Variants in PKHD1L1 observed in about 807,000 individuals in gnomAD.
PKHD1L1 encodes fibrocystin-L.
A neutral mutation model predicts 462.9 loss-of-function variants in PKHD1L1; 434 were observed. That is an observed-to-expected ratio of 0.94 (90% CI 0.87 to 1.02). The LOEUF is 1.02. PKHD1L1 is among the 50% of genes least tolerant of loss of function. The pLI, the probability that PKHD1L1 is intolerant of heterozygous loss-of-function variation, is 0.00. For synonymous variants in PKHD1L1, 1,781 were observed against 1,750.0 expected, an observed-to-expected ratio of 1.02 and a Z score of -0.44; for missense variants, 5,202 against 5,096.1, an observed-to-expected ratio of 1.02 and a Z score of -0.63.
Position 109,485,092 on chromosome 8 carries a change from A to C in PKHD1L1, c.9625A>C (p.Thr3209Pro). ...ITTTSYDFHQ[T>P]ETRSIVKILH... is the part of the protein sequence containing the mutation. Reference sequence around the variant, plus strand: ...AACCACAAGCTACGATTTCCACCAGACAGAAACAAGAAGTATCGTTAAAAT... The same window carrying C: ...AACCACAAGCTACGATTTCCACCAGCCAGAAACAAGAAGTATCGTTAAAAT... The change falls in exon 58 of 78, where the codon ACA (threonine) becomes CCA (proline). Residue 3209 changes from threonine to proline, a missense_variant. Coordinates refer to ENST00000378402, the MANE Select transcript of PKHD1L1 (RefSeq NM_177531.6). 1 of 1,605,150 alleles carries C rather than the reference A, an allele frequency of 6.2e-7. No individual in the cohort carries two copies. The highest frequency in any genetic ancestry group is 8.5e-7 in the Non-Finnish European group (1 of 1,175,262).
rs1462416662 is a variant in PKHD1L1 at position 109,429,451 on chromosome 8, C to T, written c.3112C>T (p.Gln1038Ter). Residue 1038 changes from glutamine to a stop codon, truncating the protein, a stop_gained, in exon 26 of 78, where the codon CAA becomes TAA. Transcript: ENST00000378402. LOFTEE classifies it high-confidence loss of function. ...TGGAGACCTACTTCGTACACCCAGT[C>T]AACAGCCACAGGTATTTTTGAAACT... is the stretch of plus-strand genomic sequence containing the variant. ...VLGDLLRTPS[Q>*]QPQVEVYVNG... 1.9e-6 allele frequency: 3 copies of T among 1,607,416 alleles called. No individual in the cohort carries two copies. Among genetic ancestry groups the T allele is most frequent in the Non-Finnish European group, 1.7e-6 (2 of 1,176,578 alleles).
chr8:109,402,007 C>T (rs1471332099), intron 14 of PKHD1L1, among the ~76,000 whole-genome samples: 1 of 152,094 alleles, frequency 6.6e-6, no homozygotes, highest in Non-Finnish European at 1.5e-5. Flanking sequence ...ATTCCAGGCC[C>T]TGGGCCAGGT....
intron 14 of PKHD1L1, among the ~76,000 whole-genome samples, chr8:109,402,099 C>A (rs1813302385): frequency 6.6e-6 from 1 of 152,074 alleles, no homozygotes; most frequent in East Asian, 1.9e-4. Flanking sequence ...GTCCAAGGAG[C>A]CAATGAGTGG....
chr8:109,441,351 C>T lies in PKHD1L1; in HGVS notation c.4176C>T (p.Phe1392=), dbSNP rs1815782787. 6.4e-7 allele frequency: 1 copy of T among 1,573,300 alleles called. No homozygotes were observed. The highest frequency in any genetic ancestry group is 1.4e-5 in the African/African-American group (1 of 73,534). The change falls in exon 34 of 78, where the codon TTC becomes TTT. Residue 1392 remains phenylalanine, a synonymous_variant. Coordinates refer to ENST00000378402, the MANE Select transcript of PKHD1L1 (RefSeq NM_177531.6). ...KCILHSTGNI[F]RITNNGKDSV... ...TTCTTCATTCAACTGGGAATATATT[C>T]AGGATTACCAACAATGGGAAAGATT... is the stretch of plus-strand genomic sequence containing the variant.
At position 109,442,080 on chromosome 8, in the gene PKHD1L1, G is replaced by A; in HGVS notation, c.4278G>A (p.Trp1426Ter). 1 of 1,613,418 alleles carries A rather than the reference G, an allele frequency of 6.2e-7. No homozygotes were observed. Among genetic ancestry groups the A allele is most frequent in the Non-Finnish European group, 8.5e-7 (1 of 1,179,576 alleles). ...TGGGGGACACAGTGGCATGGCATTG[G>A]CAAACACATCCGTTTCTTAGAGGGA... ...VSVGDTVAWHWQTHPFLRGIG... is the reference protein window; with the variant it reads ...VSVGDTVAWH Residue 1426 changes from tryptophan to a stop codon, truncating the protein, a stop_gained, in exon 35 of 78, where the codon TGG (tryptophan) becomes TGA (stop). Transcript: ENST00000378402. LOFTEE classifies it high-confidence loss of function.
chr8:109,363,504 T>G (rs557745259), intron 1 of PKHD1L1, among the ~76,000 whole-genome samples: 1 of 152,358 alleles, frequency 6.6e-6, no homozygotes, highest in African/African-American at 2.4e-5. Context: ...TACATCCATT[T>G]TGAGAAATTA....
At position 109,419,095 on chromosome 8, in the gene PKHD1L1, A is replaced by T; in HGVS notation, c.2361-2A>T. On this transcript the variant is annotated splice_acceptor_variant, in intron 21 of 77. Coordinates refer to ENST00000378402, the MANE Select transcript of PKHD1L1 (RefSeq NM_177531.6). LOFTEE classifies it high-confidence loss of function. Reference sequence around the variant, plus strand: ...ACAACAAATTAATCAACCGTATTTCAGCTGGACTTACACTTGCATAGACCT... The same window carrying T: ...ACAACAAATTAATCAACCGTATTTCTGCTGGACTTACACTTGCATAGACCT... 2 of 1,610,792 alleles carry T rather than the reference A, an allele frequency of 1.2e-6. No homozygotes were observed. Among genetic ancestry groups the T allele is most frequent in the Non-Finnish European group, 1.7e-6 (2 of 1,177,736 alleles).
chr8:109,442,800 CA>C (rs1318834962), intron 35 of PKHD1L1, 145 bp from the exon 36 acceptor site: 1 of 703,104 alleles, frequency 1.4e-6, no homozygotes, highest in Non-Finnish European at 2.2e-6. Context: ...TTTCTTACTA[CA>C]TTCTGTTGAC....
chr8:109,395,226 C>T (rs1812910970), intron 10 of PKHD1L1, among the ~76,000 whole-genome samples: 1 of 152,210 alleles, frequency 6.6e-6, no homozygotes, highest in South Asian at 2.1e-4. Flanking sequence ...TTTATGCTCT[C>T]AGTGTGGTTC....
At position 109,445,650 on chromosome 8, in the gene PKHD1L1, T is replaced by C; in HGVS notation, c.5776+5T>C. On this transcript the variant is annotated splice_donor_5th_base_variant and intron_variant, in intron 38 of 77. Transcript: ENST00000378402. ...GAGGAATTATCCCAAGCAGAGGTAC[T>C]CCAATATCTGCCTTATTATCTTGAT... 6.3e-7 allele frequency: 1 copy of C among 1,589,196 alleles called. No homozygotes were observed. The highest frequency in any genetic ancestry group is 8.6e-7 in the Non-Finnish European group (1 of 1,160,420).
intron 2 of PKHD1L1, among the ~76,000 whole-genome samples, chr8:109,379,377 A>G (rs981233813): frequency 6.6e-5 from 10 of 152,352 alleles, no homozygotes; most frequent in African/African-American, 2.4e-4. Flanking sequence ...ATATTGCTTC[A>G]GAACAAGAAA....
At chr8:109,527,666 C>G (rs1472216552) in intron 77 of PKHD1L1, among the ~76,000 whole-genome samples, 1 of 152,132 alleles carries the variant, frequency 6.6e-6, no homozygotes, top group African/African-American at 2.4e-5. Context: ...TCTGGTTTCT[C>G]AAACAGTTGG....
chr8:109,436,389 T>C lies in PKHD1L1; in HGVS notation c.3557T>C (p.Val1186Ala). Reference protein sequence around the residue: ...SGFGFNENSKVLVGNETCNVI... With the variant: ...SGFGFNENSKALVGNETCNVI... ...TTTGGCTTTAATGAAAATTCAAAGG[T>C]ATTAGTTGGAAATGAAACCTGCAAT... Residue 1186 changes from valine to alanine, a missense_variant, in exon 30 of 78, where the codon GTA becomes GCA. By Grantham distance (64) the Val-to-Ala change is moderately conservative. Around this residue, in one of 3 missense-constraint regions of PKHD1L1, gnomAD observed 4,497 missense variants for 4,336.8 expected, o/e 1.04. Coordinates refer to ENST00000378402, the MANE Select transcript of PKHD1L1 (RefSeq NM_177531.6). The C allele has an allele frequency of 1.2e-6, 2 of 1,613,436 alleles. No homozygotes were observed. Among genetic ancestry groups the C allele is most frequent in the Non-Finnish European group, 1.7e-6 (2 of 1,179,712 alleles).
intron 45 of PKHD1L1, among the ~76,000 whole-genome samples, chr8:109,455,410 C>G (rs1190167021): frequency 6.6e-6 from 1 of 152,126 alleles, no homozygotes; most frequent in Non-Finnish European, 1.5e-5. Flanking sequence ...CTTGGGAAAG[C>G]CTTTCTGGGT....
intron 22 of PKHD1L1, 110 bp downstream of exon 22, chr8:109,419,370 A>C (rs1011471274): frequency 1.2e-5 from 9 of 748,576 alleles, no homozygotes; most frequent in Middle Eastern, 4.0e-4. Context: ...TCTAAATATT[A>C]ATGAGTCACT....
chr8:109,433,811 G>A (rs1187105969), intron 28 of PKHD1L1, among the ~76,000 whole-genome samples: 1 of 151,940 alleles, frequency 6.6e-6, no homozygotes, highest in African/African-American at 2.4e-5. Flanking sequence ...CCTTTCTGTT[G>A]TTTTTAGTTT....
intron 40 of PKHD1L1, among the ~76,000 whole-genome samples, chr8:109,450,400 G>T (rs1165947618): frequency 6.6e-6 from 1 of 152,014 alleles, no homozygotes; most frequent in Non-Finnish European, 1.5e-5. Context: ...CCTTAACAAA[G>T]AATATTGAAA....
At chr8:109,379,603 A>T (rs1411555499) in intron 2 of PKHD1L1, among the ~76,000 whole-genome samples, 1 of 152,190 alleles carries the variant, frequency 6.6e-6, no homozygotes, top group African/African-American at 2.4e-5. Flanking sequence ...TAATAGACAG[A>T]TGCATGGAGC....
chr8:109,523,126 T>C, intron 75 of PKHD1L1, 107 bp from the exon 76 acceptor site: 2 of 1,176,324 alleles, frequency 1.7e-6, no homozygotes. Context: ...CTTCTGCAGA[T>C]TTTCAATTTA....
Sources: allele counts gnomAD v4.1 joint callset (sites outside exome capture counted in the v4.1 genomes callset), GRCh38; gene constraint gnomAD v4.1.1; regional missense constraint gnomAD v4.1.1; transcripts MANE v1.5; gene names NCBI Gene and HGNC (gene_info 2026-07-23, HGNC 2026-07-21).